NXPE2: variants seen among roughly 807,000 people sequenced by gnomAD.
NXPE2 encodes the protein NXPE family member 2.
A neutral mutation model predicts 34.4 loss-of-function variants in NXPE2; 34 were observed. That is an observed-to-expected ratio of 0.99 (90% CI 0.75 to 1.31). NXPE2 has a LOEUF of 1.31. NXPE2 is among the 40% of genes most tolerant of loss of function. The pLI, the probability that NXPE2 is intolerant of heterozygous loss-of-function variation, is 0.00. For synonymous variants in NXPE2, 235 were observed against 231.3 expected, an observed-to-expected ratio of 1.02 and a Z score of -0.15; for missense variants, 649 against 672.5, an observed-to-expected ratio of 0.97 and a Z score of 0.39.
the NXPE2 span, among the ~76,000 whole-genome samples, chr11:114,636,751 G>A: frequency 1.3e-5 from 2 of 152,052 alleles, no homozygotes; most frequent in Admixed American, 6.5e-5. Context: ...AGGTTGTTCA[G>A]TTTCCATGTA....
At chr11:114,570,941 A>G in the NXPE2 span, 2 of 1,567,882 alleles carry the variant, frequency 1.3e-6, no homozygotes, top group East Asian at 2.3e-5. Flanking sequence ...GTGTTATTTA[A>G]CAAATATAGT....
chr11:114,753,022 G>A, the NXPE2 span, among the ~76,000 whole-genome samples: 1 of 152,206 alleles, frequency 6.6e-6, no homozygotes, highest in Non-Finnish European at 1.5e-5. Context: ...CTGAGAATTT[G>A]CAATGGTGAC....
chr11:114,572,258 C>G, the NXPE2 span, among the ~76,000 whole-genome samples: 6 of 152,148 alleles, frequency 3.9e-5, no homozygotes, highest in East Asian at 1.2e-3. Context: ...ACATGTCTAC[C>G]AAAATGAGAA....
At chr11:114,702,717 C>T (rs926254059) in intron 3 of NXPE2, among the ~76,000 whole-genome samples, 7 of 152,098 alleles carry the variant, frequency 4.6e-5, no homozygotes, top group African/African-American at 1.2e-4. Context: ...GATTCCCAGT[C>T]GATCTTATTC....
At chr11:114,743,894 C>T in the NXPE2 span, among the ~76,000 whole-genome samples, 30 of 149,088 alleles carry the variant, frequency 2.0e-4, no homozygotes, top group Admixed American at 2.0e-3. Flanking sequence ...TGTATATATA[C>T]ACACATATAT....
At chr11:114,718,538 C>T in the NXPE2 span, among the ~76,000 whole-genome samples, 2,603 of 152,234 alleles carry the variant, frequency 0.017, 76 homozygotes, top group African/African-American at 0.057. Context: ...AAATTCATTG[C>T]AACTAAATAT....
chr11:114,705,911 T>C lies in NXPE2; in HGVS notation c.1059T>C (p.Asn353=). Residue 353 remains asparagine, a synonymous_variant, in exon 5 of 6, where the codon AAT becomes AAC. Transcript: ENST00000389586. ...AGTTCAATGAAACAAAAAATATAAATGACTGCTTGGAAAGAAAACTTATTT... is the reference window on the plus strand; with the variant it reads ...AGTTCAATGAAACAAAAAATATAAACGACTGCTTGGAAAGAAAACTTATTT... ...QIKFNETKNI[N]DCLERKLIYL... 1.9e-6 allele frequency: 3 copies of C among 1,541,974 alleles called. No homozygotes were observed. Among genetic ancestry groups the C allele is most frequent in the South Asian group, 2.4e-5 (2 of 82,220 alleles).
At chr11:114,663,649 T>C in the NXPE2 span, among the ~76,000 whole-genome samples, 7 of 140,452 alleles carry the variant, frequency 5.0e-5, no homozygotes, top group South Asian at 4.5e-4. Flanking sequence ...TCTATCCATC[T>C]ATCATCTATT....
chr11:114,603,852 T>C, the NXPE2 span, among the ~76,000 whole-genome samples: 6 of 151,716 alleles, frequency 4.0e-5, no homozygotes, highest in Non-Finnish European at 5.9e-5. Context: ...AAGTATTGCC[T>C]CCTCTCCTAG....
chr11:114,474,534 T>TAA, the NXPE2 span, among the ~76,000 whole-genome samples: 1 of 152,180 alleles, frequency 6.6e-6, no homozygotes, highest in African/African-American at 2.4e-5. Context: ...AAGTAAGACT[T>TAA]ACAGTTATCA....
the NXPE2 span, among the ~76,000 whole-genome samples, chr11:114,604,295 T>C: frequency 1.3e-5 from 2 of 152,040 alleles, no homozygotes; most frequent in African/African-American, 2.4e-5. Flanking sequence ...TGTTGCCTCG[T>C]GGGTAACAAT....
the NXPE2 span, among the ~76,000 whole-genome samples, chr11:114,739,108 A>C: frequency 6.6e-6 from 1 of 152,228 alleles, no homozygotes; most frequent in Non-Finnish European, 1.5e-5. Context: ...ATAAAGGTGC[A>C]AAGCAAGCTC....
the NXPE2 span, among the ~76,000 whole-genome samples, chr11:114,608,769 A>G: frequency 7.7e-5 from 11 of 142,982 alleles, no homozygotes; most frequent in African/African-American, 1.6e-4. Context: ...GTACTGCCTC[A>G]TGGATAACCA....
the NXPE2 span, among the ~76,000 whole-genome samples, chr11:114,600,753 C>T: frequency 6.6e-6 from 1 of 151,846 alleles, no homozygotes; most frequent in African/African-American, 2.4e-5. Context: ...TACTAGTGTA[C>T]CAATGTTAAT....
At chr11:114,731,797 A>C in the NXPE2 span, among the ~76,000 whole-genome samples, 1,059 of 152,324 alleles carry the variant, frequency 7.0e-3, 9 homozygotes, top group African/African-American at 0.02. Context: ...AGTACAAATA[A>C]AACTAAGATT....
the NXPE2 span, among the ~76,000 whole-genome samples, chr11:114,620,244 A>C: frequency 6.6e-6 from 1 of 151,016 alleles, no homozygotes; most frequent in African/African-American, 2.4e-5. Context: ...GTTGGATAAT[A>C]ATTATTGCCT....
chr11:114,568,162 G>A, the NXPE2 span, among the ~76,000 whole-genome samples: 1 of 152,062 alleles, frequency 6.6e-6, no homozygotes, highest in Non-Finnish European at 1.5e-5. Flanking sequence ...CCCTTTTAGA[G>A]TTCACATATT....
At chr11:114,804,318 C>A in the NXPE2 span, among the ~76,000 whole-genome samples, 1 of 152,178 alleles carries the variant, frequency 6.6e-6, no homozygotes, top group Non-Finnish European at 1.5e-5. Context: ...ATGGTTTTGT[C>A]CCTTTATAGC....
At chr11:114,708,775 TC>T (rs1477620326), downstream of NXPE2, among the ~76,000 whole-genome samples, 1 of 152,236 alleles carries the variant, frequency 6.6e-6, no homozygotes, top group Non-Finnish European at 1.5e-5. Flanking sequence ...TTCTAATTCC[TC>T]CTTTAGGAAA....
Sources: allele counts gnomAD v4.1 joint callset (sites outside exome capture counted in the v4.1 genomes callset), GRCh38; gene constraint gnomAD v4.1.1; transcripts MANE v1.5; gene names NCBI Gene and HGNC (gene_info 2026-07-23, HGNC 2026-07-21).